PTPRD: variants seen among roughly 807,000 people sequenced by gnomAD.
PTPRD encodes protein tyrosine phosphatase receptor type D.
A neutral mutation model predicts 214.5 loss-of-function variants in PTPRD; 34 were observed. The observed-to-expected ratio is 0.16, with a 90% CI of 0.12 to 0.21. The LOEUF (loss-of-function observed/expected upper bound fraction) is 0.21, where lower values mean the gene tolerates loss of function less well. PTPRD is among the 10% of genes least tolerant of loss of function. The pLI is 1.00. For synonymous variants in PTPRD, 1,128 were observed against 845.7 expected, an observed-to-expected ratio of 1.33 and a Z score of -5.79; for missense variants, 2,545 against 2,398.7, an observed-to-expected ratio of 1.06 and a Z score of -1.27.
intron 8 of PTPRD, among the ~76,000 whole-genome samples, chr9:9,442,556 A>T (rs954886889): frequency 8.5e-5 from 13 of 152,344 alleles, no homozygotes; most frequent in African/African-American, 2.9e-4. Context: ...ATAAAGCCCA[A>T]ATGAAGGTAT....
rs1313285910 is a variant in PTPRD, at chr9:9,806,179, C to A, written c.-367-39328G>T. 2.6e-5 allele frequency among the ~76,000 whole-genome samples: 4 copies of A among 152,054 alleles called. No individual in the cohort carries two copies. In the East Asian group the frequency reaches 7.7e-4, roughly 29 times the overall value. On this transcript the variant is annotated intron_variant, in intron 5 of 45. Coordinates refer to ENST00000381196, the MANE Select transcript of PTPRD (RefSeq NM_002839.4). ...CAGCCATGAGCAAGGCAAGAGAGCT[C>A]CAATTCACCCCCAGGAATGTCAGGC...
chr9:8,527,859 C>T (rs2074616409), intron 15 of PTPRD, among the ~76,000 whole-genome samples: 1 of 152,092 alleles, frequency 6.6e-6, no homozygotes, highest in African/African-American at 2.4e-5. Flanking sequence ...TCTGTAGATC[C>T]AGTCACTGGA....
intron 11 of PTPRD, among the ~76,000 whole-genome samples, chr9:8,763,084 T>G (rs533822491): frequency 2.0e-5 from 3 of 152,174 alleles, no homozygotes; most frequent in Non-Finnish European, 4.4e-5. Flanking sequence ...GAGTAGCCAC[T>G]GAAAAATCAA....
intron 35 of PTPRD, among the ~76,000 whole-genome samples, chr9:8,432,492 G>C (rs553257487): frequency 1.3e-5 from 2 of 152,162 alleles, no homozygotes; most frequent in East Asian, 1.9e-4. Flanking sequence ...CCTTTAACCT[G>C]TTTTAGTCTT....
intron 7 of PTPRD, among the ~76,000 whole-genome samples, chr9:9,592,662 T>A (rs1050181470): frequency 7.9e-5 from 12 of 152,004 alleles, no homozygotes; most frequent in African/African-American, 2.9e-4. Flanking sequence ...GTATCTACAG[T>A]GGATTTTTTC....
At chr9:9,985,755 T>C (rs987198669) in intron 4 of PTPRD, among the ~76,000 whole-genome samples, 1 of 151,948 alleles carries the variant, frequency 6.6e-6, no homozygotes, top group Non-Finnish European at 1.5e-5. Flanking sequence ...TCATTTATAA[T>C]AACAGTTTTT....
intron 9 of PTPRD, among the ~76,000 whole-genome samples, chr9:9,308,091 AAG>A (rs1267963183): frequency 1.3e-5 from 2 of 152,160 alleles, no homozygotes; most frequent in African/African-American, 4.8e-5. Flanking sequence ...ATTGATGAAA[AAG>A]AGAATGTATA....
chr9:8,894,905 C>A (rs905084633), intron 11 of PTPRD, among the ~76,000 whole-genome samples: 1 of 152,088 alleles, frequency 6.6e-6, no homozygotes, highest in Admixed American at 6.6e-5. Context: ...GAGAGAGAGA[C>A]AACACACAAT....
chr9:9,977,693 A>G (rs1310094633), intron 4 of PTPRD, among the ~76,000 whole-genome samples: 5 of 152,182 alleles, frequency 3.3e-5, no homozygotes, highest in African/African-American at 9.6e-5. Flanking sequence ...TATTATGTTT[A>G]ATAATTATCC....
At chr9:9,554,340 G>T (rs1047218709) in intron 8 of PTPRD, among the ~76,000 whole-genome samples, 2 of 151,838 alleles carry the variant, frequency 1.3e-5, no homozygotes, top group African/African-American at 2.4e-5. Flanking sequence ...ATATTCTTCT[G>T]CCTCAATATT....
chr9:8,913,617 T>A (rs1459930379), intron 11 of PTPRD, among the ~76,000 whole-genome samples: 1 of 152,126 alleles, frequency 6.6e-6, no homozygotes, highest in African/African-American at 2.4e-5. Flanking sequence ...CTGACCTAAA[T>A]TTAGGAATGC....
chr9:10,604,515 G>C (rs1216416567), intron 2 of PTPRD, among the ~76,000 whole-genome samples: 1 of 151,764 alleles, frequency 6.6e-6, no homozygotes, highest in African/African-American at 2.4e-5. Flanking sequence ...GAAAATGGGA[G>C]AATAAAGCAC....
chr9:10,326,909 T>G (rs1030494056), intron 3 of PTPRD, among the ~76,000 whole-genome samples: 10 of 151,508 alleles, frequency 6.6e-5, no homozygotes, highest in African/African-American at 2.2e-4. Flanking sequence ...AACCTAAAAT[T>G]TATTTGGAAT....
chr9:10,037,707 T>C (rs2097213167), intron 3 of PTPRD, among the ~76,000 whole-genome samples: 1 of 152,138 alleles, frequency 6.6e-6, no homozygotes, highest in African/African-American at 2.4e-5. Context: ...GGATCAATCT[T>C]CGTTTTCTTG....
chr9:10,011,043 C>G (rs1412001189), intron 4 of PTPRD, among the ~76,000 whole-genome samples: 1 of 151,904 alleles, frequency 6.6e-6, no homozygotes, highest in East Asian at 1.9e-4. Flanking sequence ...TCATTTCATA[C>G]AAATATTAAA....
At chr9:9,331,325 A>G (rs1209833535) in intron 9 of PTPRD, among the ~76,000 whole-genome samples, 3 of 152,032 alleles carry the variant, frequency 2.0e-5, no homozygotes, top group Admixed American at 6.6e-5. Context: ...AGTTTTTAAA[A>G]TGTTTTAAAT....
chr9:9,595,788 CA>C (rs1461787236), intron 7 of PTPRD, among the ~76,000 whole-genome samples: 1 of 151,352 alleles, frequency 6.6e-6, no homozygotes, highest in African/African-American at 2.4e-5. Context: ...TTTGAGGACT[CA>C]GGGGGAAAGG....
intron 4 of PTPRD, among the ~76,000 whole-genome samples, chr9:9,968,297 C>T (rs1204865454): frequency 6.6e-6 from 1 of 152,104 alleles, no homozygotes; most frequent in Non-Finnish European, 1.5e-5. Flanking sequence ...GTGATAATGA[C>T]ATTTCTAGTA....
At position 8,845,680 on chromosome 9, in the gene PTPRD, C is replaced by G. The variant is rs138725205; in HGVS notation, c.-103-111734G>C. Among the ~76,000 whole-genome samples, 99 of 152,330 alleles carry G rather than the reference C, an allele frequency of 6.5e-4. 1 individual carries two copies. The Middle Eastern group carries it at 0.01, about 16-fold the overall frequency. On this transcript the variant is annotated intron_variant, in intron 11 of 45. Coordinates refer to ENST00000381196, the MANE Select transcript of PTPRD (RefSeq NM_002839.4). Reference sequence around the variant, plus strand: ...AGTAACACTGGGTTTCAGAAAATGTCCACAGCTCAACATAAACAAGAGGCC... The same window carrying G: ...AGTAACACTGGGTTTCAGAAAATGTGCACAGCTCAACATAAACAAGAGGCC...
Sources: allele counts gnomAD v4.1 joint callset (sites outside exome capture counted in the v4.1 genomes callset), GRCh38; gene constraint gnomAD v4.1.1; transcripts MANE v1.5; gene names NCBI Gene and HGNC (gene_info 2026-07-23, HGNC 2026-07-21).